The following DPYSL5 variants were observed in gnomAD, a reference collection of about 807,000 sequenced individuals.
DPYSL5 encodes the protein dihydropyrimidinase-related protein 5.
DPYSL5 carries 9 observed loss-of-function variants against 58.4 expected under a neutral mutation model. The ratio of observed to expected loss-of-function variants is 0.15; its 90% CI spans 0.09 to 0.27. The LOEUF is 0.27. Ranked by LOEUF, DPYSL5 falls within the 10% of genes least tolerant of loss-of-function variation. The pLI, the probability that DPYSL5 is intolerant of heterozygous loss-of-function variation, is 1.00. For missense variants in DPYSL5, 499 were observed against 770.6 expected, an observed-to-expected ratio of 0.65 and a Z score of 4.17; for synonymous variants, 293 against 301.9, an observed-to-expected ratio of 0.97 and a Z score of 0.31.
At position 26,927,481 on chromosome 2, in the gene DPYSL5, G is replaced by A. The variant is rs190886809; in HGVS notation, c.600+49G>A. 61 of 1,570,246 alleles carry A rather than the reference G, an allele frequency of 3.9e-5. No individual in the cohort carries two copies. In the East Asian group the frequency reaches 1.3e-3, roughly 34 times the overall value. On this transcript the variant is annotated intron_variant, in intron 4 of 12. Coordinates refer to ENST00000288699, the MANE Select transcript of DPYSL5 (RefSeq NM_020134.4). The surrounding 1 kb of genome is among the most constrained non-coding windows in gnomAD (Gnocchi z 4.3). The stretch of plus-strand genomic sequence containing the variant: ...GGATGGAGGGACACCAGTGGAGACA[G>A]TTAGTTCTCAGGGGATTCCTGACCA...
At chr2:26,910,616 C>CTTTTTT (rs34929540) in intron 2 of DPYSL5, among the ~76,000 whole-genome samples, 83 of 118,438 alleles carry the variant, frequency 7.0e-4, no homozygotes, top group African/African-American at 8.0e-4. Flanking sequence ...TCTTCTTCTT[C>CTTTTTT]TTTTTTTTTT....
At position 26,940,087 on chromosome 2, in the gene DPYSL5, C is replaced by T; in HGVS notation, c.1004C>T (p.Ala335Val). 6.2e-7 allele frequency: 1 copy of T among 1,614,170 alleles called. No individual in the cohort carries two copies. Among genetic ancestry groups the T allele is most frequent in the Non-Finnish European group, 8.5e-7 (1 of 1,180,036 alleles). Residue 335 changes from alanine (A) to valine (V), a missense_variant, in exon 9 of 13, where the codon GCT becomes GTT. Transcript: ENST00000288699. ...DHRPFTTKQK[A>V]MGKEDFTKIP... The stretch of plus-strand genomic sequence containing the variant: ...CGGCCTTTCACCACAAAGCAGAAAG[C>T]TATGGGCAAGGAAGACTTCACCAAG...
At chr2:26,855,271 T>C (rs1166237764) in intron 1 of DPYSL5, among the ~76,000 whole-genome samples, 4 of 151,616 alleles carry the variant, frequency 2.6e-5, no homozygotes, top group Non-Finnish European at 5.9e-5. Context: ...CTACTAAAAA[T>C]ACAAAAATTT....
chr2:26,867,129 A>G (rs1666163601), intron 1 of DPYSL5, among the ~76,000 whole-genome samples: 1 of 152,150 alleles, frequency 6.6e-6, no homozygotes, highest in African/African-American at 2.4e-5. Flanking sequence ...TTCCACCCAC[A>G]GTTTACCCTA....
chr2:26,911,531 T>C (rs1664441875), intron 2 of DPYSL5, among the ~76,000 whole-genome samples: 1 of 152,230 alleles, frequency 6.6e-6, no homozygotes, highest in East Asian at 1.9e-4. Context: ...TAAATATTGA[T>C]GTAAATATAT....
At chr2:26,866,469 A>AACACACACACAC (rs57210677) in intron 1 of DPYSL5, among the ~76,000 whole-genome samples, 1 of 148,554 alleles carries the variant, frequency 6.7e-6, no homozygotes, top group Admixed American at 6.7e-5. Flanking sequence ...TCATTATGCA[A>AACACACACACAC]ACACACACAC....
rs568690763 is a variant in DPYSL5, at chr2:26,924,544, A to G, written c.262-343A>G. Among the ~76,000 whole-genome samples, 1 of 152,316 alleles carries G rather than the reference A, an allele frequency of 6.6e-6. No individual in the cohort carries two copies. Among genetic ancestry groups the G allele is most frequent in the East Asian group, 1.9e-4 (1 of 5,186 alleles). The stretch of plus-strand genomic sequence containing the variant: ...ATGCAGACATTTGATCATGTTATCT[A>G]TAGAGTCAATTGGCTAAAAATCGTT... On this transcript the variant is annotated intron_variant, in intron 2 of 12. Coordinates refer to ENST00000288699, the MANE Select transcript of DPYSL5 (RefSeq NM_020134.4). This position sits in a 1 kb window ranked among gnomAD's most constrained non-coding sequence, Gnocchi z 4.7.
intron 1 of DPYSL5, among the ~76,000 whole-genome samples, chr2:26,884,657 C>T (rs957412706): frequency 6.6e-6 from 1 of 152,162 alleles, no homozygotes; most frequent in Non-Finnish European, 1.5e-5. Flanking sequence ...CACCCTCTCA[C>T]AGCTAATCCT....
rs1021440788 is a variant in DPYSL5 at position 26,905,491 on chromosome 2, G to A, written c.261+6731G>A. On this transcript the variant is annotated intron_variant, in intron 2 of 12. Coordinates refer to ENST00000288699, the MANE Select transcript of DPYSL5 (RefSeq NM_020134.4). This position sits in a 1 kb window ranked among gnomAD's most constrained non-coding sequence, Gnocchi z 4.0. ...GAGTGCCCATGCTACCTGTGTCCCTGGGCTTGGCCAGCAGGCACCCTGGCA... is the reference window on the plus strand; with the variant it reads ...GAGTGCCCATGCTACCTGTGTCCCTAGGCTTGGCCAGCAGGCACCCTGGCA... 7.2e-5 allele frequency among the ~76,000 whole-genome samples: 11 copies of A among 152,146 alleles called. No homozygotes were observed. The highest frequency in any genetic ancestry group is 2.2e-4 in the African/African-American group (9 of 41,420).
At chr2:26,916,353 G>C (rs952079910) in intron 2 of DPYSL5, among the ~76,000 whole-genome samples, 5 of 152,150 alleles carry the variant, frequency 3.3e-5, no homozygotes, top group Non-Finnish European at 5.9e-5. Flanking sequence ...GCTTACAGCA[G>C]AGATCAAGTG....
At chr2:26,855,032 G>C (rs1345731309) in intron 1 of DPYSL5, among the ~76,000 whole-genome samples, 1 of 151,656 alleles carries the variant, frequency 6.6e-6, no homozygotes, top group Non-Finnish European at 1.5e-5. Flanking sequence ...TGGCCAGGCT[G>C]GTCTGGAACT....
chr2:26,888,259 TTCTTTCTG>T (rs1229843188), intron 1 of DPYSL5, among the ~76,000 whole-genome samples: 5 of 136,676 alleles, frequency 3.7e-5, no homozygotes, highest in South Asian at 2.3e-4. Context: ...CTTTCTTTCT[TTCTTTCTG>T]TCTTTCTTTC....
chr2:26,855,865 C>A (rs1464635689), intron 1 of DPYSL5, among the ~76,000 whole-genome samples: 1 of 152,178 alleles, frequency 6.6e-6, no homozygotes, highest in Non-Finnish European at 1.5e-5. Context: ...GGATTTCTGA[C>A]CTTGTAGATT....
At chr2:26,908,116 G>T (rs1664345578) in intron 2 of DPYSL5, among the ~76,000 whole-genome samples, 1 of 152,120 alleles carries the variant, frequency 6.6e-6, no homozygotes, top group Non-Finnish European at 1.5e-5. Flanking sequence ...AAGAATACTT[G>T]GTGCTTATTA....
chr2:26,883,426 T>C (rs190349716), intron 1 of DPYSL5, among the ~76,000 whole-genome samples: 259 of 152,286 alleles, frequency 1.7e-3, no homozygotes, highest in African/African-American at 5.9e-3. Context: ...TGAGGCAGAG[T>C]CTCACTCTGT....
intron 2 of DPYSL5, among the ~76,000 whole-genome samples, chr2:26,903,853 C>G (rs1362765776): frequency 6.6e-6 from 1 of 152,226 alleles, no homozygotes; most frequent in African/African-American, 2.4e-5. Flanking sequence ...CCTGTCTGTA[C>G]CTATGGCAAT....
chr2:26,893,017 C>G (rs1241440985), intron 1 of DPYSL5, among the ~76,000 whole-genome samples: 1 of 152,232 alleles, frequency 6.6e-6, no homozygotes, highest in Admixed American at 6.5e-5. Context: ...CAACTCCCCA[C>G]GGCCTCTCTG....
At position 26,947,047 on chromosome 2, in the gene DPYSL5, A is replaced by G. The variant is rs1665507556; in HGVS notation, c.*52A>G. 1 of 1,471,798 alleles carries G rather than the reference A, an allele frequency of 6.8e-7. No homozygotes were observed. Among genetic ancestry groups the G allele is most frequent in the Non-Finnish European group, 9.4e-7 (1 of 1,063,440 alleles). 91.2% of individuals were successfully genotyped at this position (1,471,798 alleles called of 1,614,324 possible). A position where few individuals can be genotyped will look rare whatever the true frequency, so the allele number is the denominator to read the frequency against. On this transcript the variant is annotated 3_prime_UTR_variant, in exon 13 of 13. Coordinates refer to ENST00000288699, the MANE Select transcript of DPYSL5 (RefSeq NM_020134.4). The surrounding 1 kb of genome is among the most constrained non-coding windows in gnomAD (Gnocchi z 4.2). Reference sequence around the variant, plus strand: ...GACGCACCGCCGCCACCAGCCCGCAACTCTCCAGCCGAAGCTGCAGGGGCA... The same window carrying G: ...GACGCACCGCCGCCACCAGCCCGCAGCTCTCCAGCCGAAGCTGCAGGGGCA...
intron 1 of DPYSL5, among the ~76,000 whole-genome samples, chr2:26,860,693 C>A (rs988043799): frequency 2.0e-5 from 3 of 152,116 alleles, no homozygotes; most frequent in African/African-American, 7.2e-5. Context: ...TACCATACAG[C>A]CATTACAAAG....
Sources: gnomAD v4.1 joint callset for allele counts (sites outside exome capture counted in the v4.1 genomes callset) on GRCh38, gnomAD v4.1.1 for gene constraint, Gnocchi (gnomAD v3.1) non-coding constraint, MANE v1.5 for transcripts, NCBI Gene and HGNC (gene_info 2026-07-23, HGNC 2026-07-21) for gene names.